FSBP: variants seen among roughly 807,000 people sequenced by gnomAD.
The protein encoded by FSBP is fibrinogen silencer binding protein, also known as fibrinogen silencer-binding protein.
In FSBP, 18 loss-of-function variants were observed where a neutral mutation model predicts 24.6. That is an observed-to-expected ratio of 0.73 (90% confidence interval 0.51 to 1.08). FSBP has a LOEUF of 1.08. Among genes scored for constraint, FSBP ranks in the 50% least tolerant of loss-of-function variants. FSBP has a pLI of 0.00. For synonymous variants in FSBP, 110 were observed against 125.8 expected, an observed-to-expected ratio of 0.87 and a Z score of 0.84; for missense variants, 305 against 347.6, an observed-to-expected ratio of 0.88 and a Z score of 0.98.
In FSBP at chr8:94,429,356, A is replaced by C. The variant is rs1240526464; in HGVS notation, c.*2775T>G. ...TTTTACCTTCCACAATTATTTTAGA[A>C]CCTAACCACCAAAAATAAAAAAGAT... On this transcript the variant is annotated 3_prime_UTR_variant, in exon 2 of 2. Transcript: ENST00000481490. 2 of 602,502 alleles carry C rather than the reference A, an allele frequency of 3.3e-6. No homozygotes were observed. The highest frequency in any genetic ancestry group is 4.2e-6 in the Non-Finnish European group (2 of 480,864). The allele number at this position is 602,502 out of a possible 1,614,324, so 37.3% of individuals were successfully genotyped here.
intron 1 of FSBP, among the ~76,000 whole-genome samples, chr8:94,434,359 T>C (rs1812200521): frequency 6.6e-6 from 1 of 151,726 alleles, no homozygotes; most frequent in Non-Finnish European, 1.5e-5. Context: ...GAAAAAAAGC[T>C]TTAGAGCAGG....
Position 94,428,212 on chromosome 8 carries a change from G to A in FSBP, c.*3919C>T, listed in dbSNP as rs949634552. The A allele has an allele frequency of 3.0e-5, 26 of 862,782 alleles. No homozygotes were observed. Among genetic ancestry groups the A allele is most frequent in the Admixed American group, 6.2e-5 (1 of 16,046 alleles). The allele number at this position is 862,782 out of a possible 1,614,324, so 53.4% of individuals were successfully genotyped here. ...ATACTTAGTATATTTATCAAATGTA[G>A]TATATTTCTACAGAATCAAGTCTAC... On this transcript the variant is annotated 3_prime_UTR_variant, in exon 2 of 2. Transcript: ENST00000481490.
rs1563654913 is a variant in FSBP at position 94,432,190 on chromosome 8, CT to C, written c.840del (p.Val281TrpfsTer4). 6.5e-7 allele frequency: 1 copy of C among 1,550,298 alleles called. No individual in the cohort carries two copies. Among genetic ancestry groups the C allele is most frequent in the Non-Finnish European group, 8.7e-7 (1 of 1,146,872 alleles). The part of the protein sequence containing the change: ...LEEELLRAKI[E>X]VEKLKAIRLR... ...AAGCGAATTGCTTTCAGCTTCTCCA[CT>C]TCAATTTTTGCTCTTAGTAGCTCTT... is the stretch of plus-strand genomic sequence containing the variant. On this transcript the variant is annotated frameshift_variant, in exon 2 of 2. Transcript: ENST00000481490. LOFTEE classifies it high-confidence loss of function.
At position 94,429,694 on chromosome 8, in the gene FSBP, TAA is replaced by T. The variant is rs1812038574; in HGVS notation, c.*2435_*2436del. 3 of 983,248 alleles carry T rather than the reference TAA, an allele frequency of 3.1e-6. No homozygotes were observed. The highest frequency in any genetic ancestry group is 3.5e-5 in the African/African-American group (2 of 57,174). The allele number at this position is 983,248 out of a possible 1,614,324, so 60.9% of individuals were successfully genotyped here. A position where few individuals can be genotyped will look rare whatever the true frequency, so the allele number is the denominator to read the frequency against. ...CTCAAAGAAAAGTCATAGCACAGAT[TAA>T]AGAGAAAAGGTAACATTGTCAAAAG... On this transcript the variant is annotated 3_prime_UTR_variant, in exon 2 of 2. Coordinates refer to ENST00000481490, the MANE Select transcript of FSBP (RefSeq NM_001256141.2).
In FSBP at chr8:94,431,957, C is replaced by A. The variant is rs950425406; in HGVS notation, c.*174G>T. ...AAAAACTATAACCATGCCAACCAAC[C>A]AGTAAATTTTAATATCTCAAAAGAA... On this transcript the variant is annotated 3_prime_UTR_variant, in exon 2 of 2. Coordinates refer to ENST00000481490, the MANE Select transcript of FSBP (RefSeq NM_001256141.2). 2 of 1,285,742 alleles carry A rather than the reference C, an allele frequency of 1.6e-6. No homozygotes were observed. Among genetic ancestry groups the A allele is most frequent in the Non-Finnish European group, 2.0e-6 (2 of 1,011,834 alleles). 79.6% of individuals were successfully genotyped at this position (1,285,742 alleles called of 1,614,324 possible). A position where few individuals can be genotyped will look rare whatever the true frequency, so the allele number is the denominator to read the frequency against.
Position 94,434,178 on chromosome 8 carries a change from A to C in FSBP, c.375-1522T>G, listed in dbSNP as rs1006649735. On this transcript the variant is annotated intron_variant, in intron 1 of 1. Coordinates refer to ENST00000481490, the MANE Select transcript of FSBP (RefSeq NM_001256141.2). ...GGAAAAGGCTAAAATTGCATATGAAAATTAAGTTTTTAAAACCACATAATT... is the reference window on the plus strand; with the variant it reads ...GGAAAAGGCTAAAATTGCATATGAACATTAAGTTTTTAAAACCACATAATT... 2.0e-5 allele frequency among the ~76,000 whole-genome samples: 3 copies of C among 151,910 alleles called. No homozygotes were observed. The East Asian group carries it at 5.8e-4, about 29-fold the overall frequency.
chr8:94,434,416 C>T (rs1207487784), intron 1 of FSBP, among the ~76,000 whole-genome samples: 1 of 151,666 alleles, frequency 6.6e-6, no homozygotes, highest in Non-Finnish European at 1.5e-5. Context: ...CTTTGAAGAT[C>T]AGTTTACAAA....
Position 94,433,647 on chromosome 8 carries a change from A to T in FSBP, c.375-991T>A, listed in dbSNP as rs191187671. ...AACCTTAAAATTCTGTTTTATAAAC[A>T]TAATTTTATGTATAACGTGAAGCTG... On this transcript the variant is annotated intron_variant, in intron 1 of 1. Coordinates refer to ENST00000481490, the MANE Select transcript of FSBP (RefSeq NM_001256141.2). Among the ~76,000 whole-genome samples the T allele has an allele frequency of 1.0e-3, 158 of 152,100 alleles. 1 individual carries two copies. The highest frequency in any genetic ancestry group is 1.9e-3 in the Non-Finnish European group (130 of 67,886).
At position 94,429,694 on chromosome 8, in the gene FSBP, T is replaced by A; in HGVS notation, c.*2437A>T. 4 of 983,366 alleles carry A rather than the reference T, an allele frequency of 4.1e-6. No homozygotes were observed. Among genetic ancestry groups the A allele is most frequent in the South Asian group, 9.4e-5 (2 of 21,236 alleles). 60.9% of individuals were successfully genotyped at this position (983,366 alleles called of 1,614,324 possible). A position where few individuals can be genotyped will look rare whatever the true frequency, so the allele number is the denominator to read the frequency against. ...CTCAAAGAAAAGTCATAGCACAGAT[T>A]AAAGAGAAAAGGTAACATTGTCAAA... On this transcript the variant is annotated 3_prime_UTR_variant, in exon 2 of 2. Transcript: ENST00000481490.
In FSBP at chr8:94,430,458, C is replaced by T. The variant is rs1277397209; in HGVS notation, c.*1673G>A. ...AGGCACCAAGCGAGGTTCCAAAATACTCTGTTTCACTGGTTCTCAAACTTT... is the reference window on the plus strand; with the variant it reads ...AGGCACCAAGCGAGGTTCCAAAATATTCTGTTTCACTGGTTCTCAAACTTT... On this transcript the variant is annotated 3_prime_UTR_variant, in exon 2 of 2. Coordinates refer to ENST00000481490, the MANE Select transcript of FSBP (RefSeq NM_001256141.2). 2 of 983,808 alleles carry T rather than the reference C, an allele frequency of 2.0e-6. No homozygotes were observed. The highest frequency in any genetic ancestry group is 3.5e-5 in the African/African-American group (2 of 57,164). 60.9% of individuals were successfully genotyped at this position (983,808 alleles called of 1,614,324 possible). A position where few individuals can be genotyped will look rare whatever the true frequency, so the allele number is the denominator to read the frequency against.
At position 94,430,491 on chromosome 8, in the gene FSBP, A is replaced by C. The variant is rs1375235134; in HGVS notation, c.*1640T>G. 1.0e-6 allele frequency: 1 copy of C among 953,564 alleles called. No individual in the cohort carries two copies. The allele number at this position is 953,564 out of a possible 1,614,324, so 59.1% of individuals were successfully genotyped here. A position where few individuals can be genotyped will look rare whatever the true frequency, so the allele number is the denominator to read the frequency against. ...CACTGGTTCTCAAACTTTAGCATGCATCAGAATCGCTAAAGGGTTTATTAA... is the reference window on the plus strand; with the variant it reads ...CACTGGTTCTCAAACTTTAGCATGCCTCAGAATCGCTAAAGGGTTTATTAA... On this transcript the variant is annotated 3_prime_UTR_variant, in exon 2 of 2. Transcript: ENST00000481490.
At position 94,429,879 on chromosome 8, in the gene FSBP, C is replaced by G. The variant is rs1444783080; in HGVS notation, c.*2252G>C. ...TTTTTTTCTATTTCTATAGCCATAA[C>G]TTAAATTTCTGATTTAAGTTCTTCC... On this transcript the variant is annotated 3_prime_UTR_variant, in exon 2 of 2. Coordinates refer to ENST00000481490, the MANE Select transcript of FSBP (RefSeq NM_001256141.2). 1 of 985,238 alleles carries G rather than the reference C, an allele frequency of 1.0e-6. No homozygotes were observed. The highest frequency in any genetic ancestry group is 1.2e-6 in the Non-Finnish European group (1 of 829,922). The allele number at this position is 985,238 out of a possible 1,614,324, so 61.0% of individuals were successfully genotyped here.
intron 1 of FSBP, 71 bp downstream of exon 1, chr8:94,436,424 T>G: frequency 6.9e-7 from 1 of 1,449,450 alleles, no homozygotes; most frequent in Non-Finnish European, 9.0e-7. Flanking sequence ...CATATCTCTA[T>G]CACGACTAAG....
chr8:94,435,181 G>T (rs1812222718), intron 1 of FSBP, among the ~76,000 whole-genome samples: 1 of 151,956 alleles, frequency 6.6e-6, no homozygotes, highest in Non-Finnish European at 1.5e-5. Context: ...TAGTTTTCTG[G>T]ATATCTAGCT....
intron 1 of FSBP, among the ~76,000 whole-genome samples, chr8:94,433,829 C>A (rs1586168029): frequency 6.6e-6 from 1 of 151,362 alleles, no homozygotes; most frequent in East Asian, 1.9e-4. Context: ...TAATAAGAAA[C>A]ATAATTAAAA....
In FSBP at chr8:94,430,789, C is replaced by A; in HGVS notation, c.*1342G>T. 6 of 985,350 alleles carry A rather than the reference C, an allele frequency of 6.1e-6. No individual in the cohort carries two copies. The highest frequency in any genetic ancestry group is 1.7e-5 in the African/African-American group (1 of 57,352). 61.0% of individuals were successfully genotyped at this position (985,350 alleles called of 1,614,324 possible). A position where few individuals can be genotyped will look rare whatever the true frequency, so the allele number is the denominator to read the frequency against. On this transcript the variant is annotated 3_prime_UTR_variant, in exon 2 of 2. Coordinates refer to ENST00000481490, the MANE Select transcript of FSBP (RefSeq NM_001256141.2). ...AAAATGCAGATTTCTGGTTTATCCC[C>A]GCATGTGAAAATTCTGCTGGAGCTA...
Position 94,432,533 on chromosome 8 carries a change from C to T in FSBP, c.498G>A (p.Leu166=). ...TATCACTCTGTTGAGAATTTAAAAC[C>T]AGTGGAGGAGGTGGTTTAATGTCTT... ...QEEDIKPPPP[L]VLNSQQSDTL... Residue 166 remains leucine, a synonymous_variant, in exon 2 of 2, where the codon CTG becomes CTA. Transcript: ENST00000481490. 6.4e-7 allele frequency: 1 copy of T among 1,550,504 alleles called. No homozygotes were observed. Among genetic ancestry groups the T allele is most frequent in the Non-Finnish European group, 8.7e-7 (1 of 1,146,878 alleles).
chr8:94,427,774 T>C lies in FSBP; in HGVS notation c.*4357A>G. The C allele has an allele frequency of 1.0e-6, 1 of 961,264 alleles. No homozygotes were observed. Among genetic ancestry groups the C allele is most frequent in the African/African-American group, 1.8e-5 (1 of 56,734 alleles). 59.5% of individuals were successfully genotyped at this position (961,264 alleles called of 1,614,324 possible). The stretch of plus-strand genomic sequence containing the variant: ...TGTTAACAAAGCATTTAACCATCAT[T>C]ATCTACAGTATATATTAAACACAAT... On this transcript the variant is annotated 3_prime_UTR_variant, in exon 2 of 2. Coordinates refer to ENST00000481490, the MANE Select transcript of FSBP (RefSeq NM_001256141.2).
intron 1 of FSBP, among the ~76,000 whole-genome samples, chr8:94,434,924 CAAAT>C (rs1253483688): frequency 6.6e-6 from 1 of 151,388 alleles, no homozygotes; most frequent in Non-Finnish European, 1.5e-5. Flanking sequence ...TTCACACACA[CAAAT>C]AGTCAAAATG....
Sources: gnomAD v4.1 joint callset for allele counts (sites outside exome capture counted in the v4.1 genomes callset) on GRCh38, gnomAD v4.1.1 for gene constraint, MANE v1.5 for transcripts, NCBI Gene and HGNC (gene_info 2026-07-23, HGNC 2026-07-21) for gene names.